Variants in PRAME observed in about 807,000 individuals in gnomAD.
The protein encoded by PRAME is melanoma antigen preferentially expressed in tumors.
Under a neutral mutation model 32.1 loss-of-function variants are expected in PRAME, and 21 were observed. That is an observed-to-expected ratio of 0.65 (90% confidence interval 0.46 to 0.94). The LOEUF (loss-of-function observed/expected upper bound fraction) is 0.94. PRAME is among the 40% of genes least tolerant of loss of function. The probability of loss-of-function intolerance (pLI) is 0.00; values close to 1 mark genes in which losing one functional copy is unlikely to be tolerated. For synonymous variants in PRAME, 274 were observed against 251.5 expected (o/e 1.09, Z -0.85); for missense variants, 651 against 622.3 (o/e 1.05, Z -0.49).
intron 1 of PRAME, among the ~76,000 whole-genome samples, chr22:22,558,586 T>C (rs1439267053): frequency 1.2e-5 from 1 of 81,836 alleles, no homozygotes; most frequent in Admixed American, 1.6e-4. Flanking sequence ...GGGGTGGGGA[T>C]GGGTGAATAC....
Position 22,550,814 on chromosome 22 carries a change from A to C in PRAME, c.297T>G (p.Ala99=), listed in dbSNP as rs2062522109. ...GQHLHLETFK[A]VLDGLDVLLA... ...GGAGCACATCAAGTCCATCAAGCAC[A>C]GCTTTGAAGGTCTCCAGGTGAAGAT... Residue 99 remains alanine, a synonymous_variant, in exon 4 of 6, where the codon GCT becomes GCG. Coordinates refer to ENST00000405655, the MANE Select transcript of PRAME (RefSeq NM_206956.3). 1 of 1,609,256 alleles carries C rather than the reference A, an allele frequency of 6.2e-7. No individual in the cohort carries two copies. Among genetic ancestry groups the C allele is most frequent in the African/African-American group, 1.3e-5 (1 of 74,760 alleles).
chr22:22,554,657 C>A (rs1339900263), intron 3 of PRAME, among the ~76,000 whole-genome samples: 1 of 151,882 alleles, frequency 6.6e-6, no homozygotes, highest in Non-Finnish European at 1.5e-5. Flanking sequence ...TCTTGTAAGT[C>A]CCTGACTCTG....
chr22:22,550,123 C>G lies in PRAME; in HGVS notation c.556G>C (p.Gly186Arg), dbSNP rs1446804919. ...EVLVDLFLKE[G>R]ACDELFSYLI... ...TAGGAGAACAATTCATCACAGGCAC[C>G]TTCCTTGAGGAACAGGTCTACGAGC... The change falls in exon 5 of 6, where the codon GGT becomes CGT. Residue 186 changes from glycine (G) to arginine (R), a missense_variant. Physicochemically the swap from Gly to Arg is moderately radical, Grantham distance 125. Coordinates refer to ENST00000405655, the MANE Select transcript of PRAME (RefSeq NM_206956.3). The G allele has an allele frequency of 6.2e-7, 1 of 1,613,904 alleles. No individual in the cohort carries two copies. Among genetic ancestry groups the G allele is most frequent in the Non-Finnish European group, 8.5e-7 (1 of 1,179,982 alleles).
chr22:22,558,555 A>G (rs1306017018), intron 1 of PRAME, among the ~76,000 whole-genome samples: 4 of 87,084 alleles, frequency 4.6e-5, no homozygotes, highest in African/African-American at 1.8e-4. Flanking sequence ...TGTGGAAAGA[A>G]AGTCAGAAGG....
In PRAME at chr22:22,550,983, G is replaced by A. The variant is rs1027652880; in HGVS notation, c.128C>T (p.Ala43Val). ...SLLKDEALAI[A>V]ALELLPRELF... ...CTCCCTGGGCAGCAACTCCAGGGCG[G>A]CAATGGCCAGGGCCTCATCCTTCAG... is the stretch of plus-strand genomic sequence containing the variant. The change falls in exon 4 of 6, where the codon GCC becomes GTC. Residue 43 changes from alanine (A) to valine (V), a missense_variant. Transcript: ENST00000405655. 4.2e-5 allele frequency: 68 copies of A among 1,613,348 alleles called. No homozygotes were observed. The highest frequency in any genetic ancestry group is 5.3e-5 in the Non-Finnish European group (62 of 1,179,874).
Position 22,547,901 on chromosome 22 carries a change from C to CCT in PRAME, c.*164_*165dup, listed in dbSNP as rs1200656306. The stretch of plus-strand genomic sequence containing the variant: ...CCTACCCCCAACTTCCCCTTTTTTT[C>CCT]CTCACTGAACATTTGTCTGAATGTT... On this transcript the variant is annotated 3_prime_UTR_variant, in exon 6 of 6. Transcript: ENST00000405655. 2.6e-6 allele frequency: 2 copies of CCT among 779,622 alleles called. No homozygotes were observed. Among genetic ancestry groups the CCT allele is most frequent in the Non-Finnish European group, 4.1e-6 (2 of 486,850 alleles). The allele number at this position is 779,622 out of a possible 1,614,324, so 48.3% of individuals were successfully genotyped here. A position where few individuals can be genotyped will look rare whatever the true frequency, so the allele number is the denominator to read the frequency against.
chr22:22,552,341 T>G (rs2062632259), intron 3 of PRAME, among the ~76,000 whole-genome samples: 1 of 150,638 alleles, frequency 6.6e-6, no homozygotes, highest in African/African-American at 2.4e-5. Context: ...CAAATTATAA[T>G]TGCTTGCCAC....
In PRAME at chr22:22,547,893, CTT is replaced by C. The variant is rs972270635; in HGVS notation, c.*172_*173del. The C allele has an allele frequency of 2.7e-6, 2 of 735,588 alleles. No individual in the cohort carries two copies. Among genetic ancestry groups the C allele is most frequent in the Non-Finnish European group, 4.4e-6 (2 of 451,072 alleles). The allele number at this position is 735,588 out of a possible 1,614,324, so 45.6% of individuals were successfully genotyped here. A position where few individuals can be genotyped will look rare whatever the true frequency, so the allele number is the denominator to read the frequency against. On this transcript the variant is annotated 3_prime_UTR_variant, in exon 6 of 6. Transcript: ENST00000405655. The stretch of plus-strand genomic sequence containing the variant: ...AACATCTGCCTACCCCCAACTTCCC[CTT>C]TTTTTCCTCACTGAACATTTGTCTG...
intron 4 of PRAME, 25 bp from the exon 5 acceptor site, chr22:22,550,359 C>A: frequency 6.2e-7 from 1 of 1,603,684 alleles, no homozygotes. Flanking sequence ...AGGTAATTAG[C>A]TGAGATGATG....
intron 3 of PRAME, among the ~76,000 whole-genome samples, chr22:22,556,559 C>A (rs1055701642): frequency 5.3e-5 from 8 of 151,832 alleles, no homozygotes; most frequent in Non-Finnish European, 1.5e-5. Context: ...GATCCGCCCG[C>A]CTCAGCCTCC....
At chr22:22,554,905 G>GT (rs1295774557) in intron 3 of PRAME, among the ~76,000 whole-genome samples, 1 of 151,932 alleles carries the variant, frequency 6.6e-6, no homozygotes, top group Non-Finnish European at 1.5e-5. Flanking sequence ...GCGATCAAGT[G>GT]TGAGTTGTGT....
At chr22:22,556,679 A>G (rs2062944058) in intron 3 of PRAME, 133 bp downstream of exon 3, 1 of 1,094,830 alleles carries the variant, frequency 9.1e-7, no homozygotes, top group Non-Finnish European at 1.4e-6. Flanking sequence ...GACCAGAAAC[A>G]ATAAAAGCGG....
At position 22,549,991 on chromosome 22, in the gene PRAME, C is replaced by T. The variant is rs776701240; in HGVS notation, c.688G>A (p.Val230Met). The change falls in exon 5 of 6, where the codon GTG becomes ATG. Residue 230 changes from valine to methionine, a missense_variant. By Grantham distance (21) the Val-to-Met change is conservative. Transcript: ENST00000405655. ...AAATCTTCAATAGAGTCCAGCTGCA[C>T]CATTTTCAGGATCATCTTGATATCC... The part of the protein sequence containing the change: ...MQDIKMILKM[V>M]QLDSIEDLEV... 1.2e-6 allele frequency: 2 copies of T among 1,613,772 alleles called. No homozygotes were observed. Among genetic ancestry groups the T allele is most frequent in the African/African-American group, 2.7e-5 (2 of 74,868 alleles).
At chr22:22,558,766 G>A (rs991717573) in intron 1 of PRAME, among the ~76,000 whole-genome samples, 1 of 151,458 alleles carries the variant, frequency 6.6e-6, no homozygotes, top group African/African-American at 2.4e-5. Flanking sequence ...TCCTGGGTCT[G>A]TGCTTCTGGC....
In PRAME at chr22:22,548,040, A is replaced by AT; in HGVS notation, c.*26_*27insA. On this transcript the variant is annotated 3_prime_UTR_variant, in exon 6 of 6. Transcript: ENST00000405655. ...CTGGCTTTAGTGTCCAAGTATGCAG[A>AT]ATGAAGCATTTGATATGTGCACCCA... 6.3e-7 allele frequency: 1 copy of AT among 1,581,944 alleles called. No homozygotes were observed. Among genetic ancestry groups the AT allele is most frequent in the South Asian group, 1.2e-5 (1 of 86,056 alleles).
In PRAME at chr22:22,556,899, G is replaced by C; in HGVS notation, c.-67C>G. On this transcript the variant is annotated 5_prime_UTR_variant, in exon 3 of 6. Transcript: ENST00000405655. Reference sequence around the variant, plus strand: ...GATTTCTAGGTCTCAGTCACTTGTTGCCACGCACGTCTGAGAGTAATAATC... The same window carrying C: ...GATTTCTAGGTCTCAGTCACTTGTTCCCACGCACGTCTGAGAGTAATAATC... 1 of 1,571,290 alleles carries C rather than the reference G, an allele frequency of 6.4e-7. No individual in the cohort carries two copies. The highest frequency in any genetic ancestry group is 8.8e-7 in the Non-Finnish European group (1 of 1,142,350).
At chr22:22,555,567 C>T (rs1468806304) in intron 3 of PRAME, among the ~76,000 whole-genome samples, 2 of 151,742 alleles carry the variant, frequency 1.3e-5, no homozygotes, top group Non-Finnish European at 2.9e-5. Context: ...CAGGGTCTTA[C>T]TATGTTTCCC....
intron 3 of PRAME, chr22:22,555,701 C>G (rs2062865134): frequency 2.7e-6 from 1 of 367,334 alleles, no homozygotes; most frequent in South Asian, 2.1e-5. Flanking sequence ...CGCACTGTGC[C>G]GTCCTTGAGC....
At chr22:22,552,838 G>T (rs1355232428) in intron 3 of PRAME, 1 of 470,676 alleles carries the variant, frequency 2.1e-6, no homozygotes, top group African/African-American at 2.0e-5. Flanking sequence ...GAAGCCATCT[G>T]CCCAGACCTC....
Sources: gnomAD v4.1 joint callset for allele counts (sites outside exome capture counted in the v4.1 genomes callset) on GRCh38, gnomAD v4.1.1 for gene constraint, MANE v1.5 for transcripts, NCBI Gene and HGNC (gene_info 2026-07-23, HGNC 2026-07-21) for gene names.